PRKCE: variants seen among roughly 807,000 people sequenced by gnomAD.
PRKCE encodes the protein protein kinase C epsilon type.
Under a neutral mutation model 85.4 loss-of-function variants are expected in PRKCE, and 16 were observed. That is an observed-to-expected ratio of 0.19 (90% confidence interval 0.13 to 0.28). The LOEUF is 0.28. PRKCE is among the 10% of genes least tolerant of loss of function. The probability of loss-of-function intolerance (pLI) is 1.00; values close to 1 mark genes in which losing one functional copy is unlikely to be tolerated. For synonymous variants in PRKCE, 388 were observed against 371.5 expected, an observed-to-expected ratio of 1.04 and a Z score of -0.51; for missense variants, 573 against 975.2, an observed-to-expected ratio of 0.59 and a Z score of 5.49.
chr2:46,123,034 C>G (rs536029715), intron 11 of PRKCE, among the ~76,000 whole-genome samples: 1 of 150,630 alleles, frequency 6.6e-6, no homozygotes, highest in Admixed American at 6.6e-5. Context: ...GAAAGCTTTA[C>G]CAGATCACCT....
At chr2:45,942,051 TG>T (rs1202009971) in intron 2 of PRKCE, among the ~76,000 whole-genome samples, 1 of 152,238 alleles carries the variant, frequency 6.6e-6, no homozygotes, top group African/African-American at 2.4e-5. Flanking sequence ...ATTGCTGTTA[TG>T]AATTTGTTAG....
chr2:45,952,765 A>G (rs1700712388), intron 2 of PRKCE, among the ~76,000 whole-genome samples: 1 of 152,228 alleles, frequency 6.6e-6, no homozygotes, highest in Non-Finnish European at 1.5e-5. Context: ...CTTTCCAGGA[A>G]CACAACTTTT....
intron 1 of PRKCE, among the ~76,000 whole-genome samples, chr2:45,751,459 C>T (rs1304034850): frequency 6.6e-6 from 1 of 152,022 alleles, no homozygotes; most frequent in Admixed American, 6.6e-5. Context: ...CTGATCCCTA[C>T]TTATATCAAG....
chr2:45,986,008 A>T (rs145712943), intron 6 of PRKCE, among the ~76,000 whole-genome samples: 3 of 152,250 alleles, frequency 2.0e-5, no homozygotes, highest in African/African-American at 7.2e-5. Flanking sequence ...AAAAAGTCAA[A>T]GATAACACCA....
chr2:45,674,864 G>A (rs1241559397), intron 1 of PRKCE: 1 of 152,226 alleles, frequency 6.6e-6, no homozygotes, highest in Non-Finnish European at 1.5e-5. Context: ...GCCTCATCTT[G>A]ATAAACTTGA....
chr2:46,151,333 C>G, intron 13 of PRKCE, 104 bp downstream of exon 13: 1 of 1,099,380 alleles, frequency 9.1e-7, no homozygotes, highest in Non-Finnish European at 1.3e-6. Context: ...ACTCCCTTCT[C>G]CCTTTCTCTG....
intron 1 of PRKCE, among the ~76,000 whole-genome samples, chr2:45,659,610 C>A (rs562793020): frequency 6.6e-6 from 1 of 152,280 alleles, no homozygotes; most frequent in East Asian, 1.9e-4. Flanking sequence ...TCTCCCTGTT[C>A]ATTCCTCTCT....
At chr2:45,947,942 T>C (rs1700350249) in intron 2 of PRKCE, among the ~76,000 whole-genome samples, 1 of 152,264 alleles carries the variant, frequency 6.6e-6, no homozygotes, top group Non-Finnish European at 1.5e-5. Context: ...GTTAGAGAAC[T>C]ACGTATATGT....
intron 1 of PRKCE, among the ~76,000 whole-genome samples, chr2:45,835,695 A>G (rs1690809526): frequency 6.6e-6 from 1 of 151,248 alleles, no homozygotes; most frequent in Non-Finnish European, 1.5e-5. Flanking sequence ...GGTTCAAGCC[A>G]TTCTCCTGCC....
chr2:45,682,818 C>T (rs575453161), intron 1 of PRKCE, among the ~76,000 whole-genome samples: 7 of 152,164 alleles, frequency 4.6e-5, no homozygotes, highest in East Asian at 1.9e-4. Flanking sequence ...GGTGATTCAC[C>T]CACCTCAGCC....
At chr2:46,121,334 G>A (rs775255317) in intron 11 of PRKCE, among the ~76,000 whole-genome samples, 44 of 149,342 alleles carry the variant, frequency 2.9e-4, no homozygotes, top group Non-Finnish European at 5.7e-4. Context: ...ATGGCCTCTT[G>A]GGGCCAGACT....
rs182834634 is a variant in PRKCE, at chr2:45,961,539, C to A, written c.413-14890C>A. Among the ~76,000 whole-genome samples, 25 of 152,220 alleles carry A rather than the reference C, an allele frequency of 1.6e-4. 1 individual carries two copies. Among genetic ancestry groups the A allele is most frequent in the African/African-American group, 5.8e-4 (24 of 41,536 alleles). On this transcript the variant is annotated intron_variant, in intron 2 of 14. Transcript: ENST00000306156. ...CCATTTCACTTGGCACATTTCACACCCTTTCCATGTTCACCAAGTAGCACC... is the reference window on the plus strand; with the variant it reads ...CCATTTCACTTGGCACATTTCACACACTTTCCATGTTCACCAAGTAGCACC...
In PRKCE at chr2:46,097,674, A is replaced by C. The variant is rs553561194; in HGVS notation, c.1592+11312A>C. On this transcript the variant is annotated intron_variant, in intron 11 of 14. Transcript: ENST00000306156. ...AAAGAAGCTGCCTTTGGAAATGTGC[A>C]CTTTAGTTATAAAAGTCATTCTGTC... 3.9e-5 allele frequency among the ~76,000 whole-genome samples: 6 copies of C among 152,332 alleles called. No homozygotes were observed. The South Asian group carries it at 8.3e-4, about 21-fold the overall frequency.
intron 1 of PRKCE, among the ~76,000 whole-genome samples, chr2:45,823,129 C>T (rs1208139467): frequency 3.0e-4 from 45 of 152,210 alleles, no homozygotes; most frequent in Admixed American, 2.9e-3. Flanking sequence ...TGCTGTCAAG[C>T]CGTGTGCTCC....
rs1677295219 is a variant in PRKCE, at chr2:45,686,320, T to C, written c.348+33872T>C. 2.0e-5 allele frequency: 3 copies of C among 152,156 alleles called. 1 individual carries two copies. The South Asian group carries it at 6.2e-4, about 32-fold the overall frequency. The allele number at this position is 152,156 out of a possible 1,614,324, so 9.4% of individuals were successfully genotyped here. ...TTGCAGAATACAGAGCTAACAAGAT[T>C]ACATGGGGCTTAGGGGGTCATGCTG... On this transcript the variant is annotated intron_variant, in intron 1 of 14. Transcript: ENST00000306156.
chr2:46,057,249 C>A (rs774353357), intron 10 of PRKCE, among the ~76,000 whole-genome samples: 15 of 152,092 alleles, frequency 9.9e-5, no homozygotes, highest in Non-Finnish European at 1.9e-4. Context: ...ATTGCTTCTG[C>A]AAAAATAATC....
At chr2:46,077,672 G>A (rs1668678442) in intron 10 of PRKCE, among the ~76,000 whole-genome samples, 1 of 152,130 alleles carries the variant, frequency 6.6e-6, no homozygotes, top group South Asian at 2.1e-4. Context: ...CATCATTAAG[G>A]TGGTTATTTT....
intron 2 of PRKCE, among the ~76,000 whole-genome samples, chr2:45,874,496 C>T (rs547798795): frequency 6.6e-6 from 1 of 152,234 alleles, no homozygotes; most frequent in African/African-American, 2.4e-5. Context: ...GCTCTCCCAA[C>T]TTGGCAACTG....
chr2:46,104,513 G>A (rs1045318583), intron 11 of PRKCE, among the ~76,000 whole-genome samples: 4 of 151,868 alleles, frequency 2.6e-5, no homozygotes, highest in African/African-American at 9.7e-5. Context: ...CTCTCTGTTG[G>A]GGTTCTTTTC....
Sources: allele counts gnomAD v4.1 joint callset (sites outside exome capture counted in the v4.1 genomes callset), GRCh38; gene constraint gnomAD v4.1.1; transcripts MANE v1.5; gene names NCBI Gene and HGNC (gene_info 2026-07-23, HGNC 2026-07-21).